PTPRG: variants seen among roughly 807,000 people sequenced by gnomAD.
PTPRG encodes protein tyrosine phosphatase receptor type G.
A neutral mutation model predicts 165.3 loss-of-function variants in PTPRG; 102 were observed. The observed-to-expected ratio is 0.62, with a 90% CI of 0.53 to 0.73. The LOEUF is 0.73. Ranked by LOEUF, PTPRG falls within the 30% of genes least tolerant of loss-of-function variation. The pLI is 0.00. For missense variants in PTPRG, 1,866 were observed against 1,861.4 expected (o/e 1.00, Z -0.05); for synonymous variants, 675 against 669.5 (o/e 1.01, Z -0.13).
At chr3:61,930,703 T>G (rs79551523) in intron 2 of PTPRG, among the ~76,000 whole-genome samples, 2,580 of 152,252 alleles carry the variant, frequency 0.017, 38 homozygotes, top group South Asian at 0.075. Flanking sequence ...AAATTACAAT[T>G]ATAGTTAGAG....
intron 2 of PTPRG, among the ~76,000 whole-genome samples, chr3:61,875,573 A>C (rs2037714807): frequency 6.6e-6 from 1 of 152,088 alleles, no homozygotes; most frequent in South Asian, 2.1e-4. Flanking sequence ...GTAACTGACG[A>C]TTCAGACATC....
intron 1 of PTPRG, among the ~76,000 whole-genome samples, chr3:61,678,223 G>A (rs923560387): frequency 1.3e-5 from 2 of 152,116 alleles, no homozygotes; most frequent in Non-Finnish European, 2.9e-5. Flanking sequence ...AATGACTGTC[G>A]TTCTAAAAGA....
chr3:61,580,462 C>A (rs1700263995), intron 1 of PTPRG, among the ~76,000 whole-genome samples: 1 of 149,452 alleles, frequency 6.7e-6, no homozygotes, highest in Non-Finnish European at 1.5e-5. Flanking sequence ...CTCACTGCAA[C>A]CTCTGCCTCC....
chr3:62,058,562 A>G (rs12490342), intron 4 of PTPRG, among the ~76,000 whole-genome samples: 19,250 of 151,910 alleles, frequency 0.13, 1,341 homozygotes, highest in Admixed American at 0.21. Flanking sequence ...ACAGAAAGTC[A>G]CCTATGGATA....
At chr3:61,951,314 ACTT>A (rs1275290304) in intron 2 of PTPRG, among the ~76,000 whole-genome samples, 1 of 152,170 alleles carries the variant, frequency 6.6e-6, no homozygotes, top group African/African-American at 2.4e-5. Flanking sequence ...GACCTGGCTA[ACTT>A]CTTGAACTGT....
intron 1 of PTPRG, among the ~76,000 whole-genome samples, chr3:61,665,502 A>ACACG (rs1702786959): frequency 6.6e-6 from 1 of 151,708 alleles, no homozygotes; most frequent in Admixed American, 6.6e-5. Flanking sequence ...ACACACACAC[A>ACACG]CAGGCACAAA....
chr3:61,773,399 A>G (rs2034271069), intron 2 of PTPRG, among the ~76,000 whole-genome samples: 2 of 152,236 alleles, frequency 1.3e-5, no homozygotes, highest in Non-Finnish European at 2.9e-5. Flanking sequence ...TGTAATAATA[A>G]TAAAAGATTC....
At chr3:61,985,255 C>G (rs1473020597) in intron 2 of PTPRG, among the ~76,000 whole-genome samples, 1 of 152,208 alleles carries the variant, frequency 6.6e-6, no homozygotes, top group Non-Finnish European at 1.5e-5. Flanking sequence ...TGACTTCACT[C>G]AAGTGTCACC....
At chr3:61,569,963 G>A (rs4688636) in intron 1 of PTPRG, among the ~76,000 whole-genome samples, 128,068 of 152,206 alleles carry the variant, frequency 0.84, 54,191 homozygotes, top group South Asian at 0.94. Context: ...TGTCTCATAA[G>A]TCTTCCAAAT....
chr3:61,722,755 A>C (rs2032105916), intron 1 of PTPRG, among the ~76,000 whole-genome samples: 1 of 152,192 alleles, frequency 6.6e-6, no homozygotes, highest in Non-Finnish European at 1.5e-5. Context: ...ATTTTGGTTA[A>C]ATTTTTAAAC....
intron 8 of PTPRG, among the ~76,000 whole-genome samples, chr3:62,171,331 A>C (rs1254128712): frequency 6.6e-6 from 1 of 152,190 alleles, no homozygotes; most frequent in African/African-American, 2.4e-5. Context: ...GAGACTGCCA[A>C]ATGGCTTCCC....
chr3:61,834,555 C>T (rs2036404553), intron 2 of PTPRG, among the ~76,000 whole-genome samples: 1 of 152,208 alleles, frequency 6.6e-6, no homozygotes. Flanking sequence ...TGGCTCATGC[C>T]TGTAATCCCA....
Position 62,120,493 on chromosome 3 carries a change from G to A in PTPRG, c.616-12109G>A, listed in dbSNP as rs530672451. 2.7e-5 allele frequency among the ~76,000 whole-genome samples: 4 copies of A among 150,868 alleles called. No individual in the cohort carries two copies. The South Asian group carries it at 8.3e-4, about 31-fold the overall frequency. On this transcript the variant is annotated intron_variant, in intron 5 of 29. Transcript: ENST00000474889. ...AGGCCAGGTGCAGTGGCTCACGCCTGTAATCCCAGTGCTTTGGGAGGCCGA... is the reference window on the plus strand; with the variant it reads ...AGGCCAGGTGCAGTGGCTCACGCCTATAATCCCAGTGCTTTGGGAGGCCGA...
intron 1 of PTPRG, among the ~76,000 whole-genome samples, chr3:61,566,982 G>A (rs182303592): frequency 6.6e-6 from 1 of 152,304 alleles, no homozygotes; most frequent in Admixed American, 6.5e-5. Context: ...TACATTTCAT[G>A]TGGTCACATT....
At position 61,743,181 on chromosome 3, in the gene PTPRG, A is replaced by G. The variant is rs373488689; in HGVS notation, c.86-5697A>G. On this transcript the variant is annotated intron_variant, in intron 1 of 29. Transcript: ENST00000474889. ...TATCTTTTTTTGCTTCGGGCTGGAA[A>G]TGAGGTAGGCTCAGTAGAAGTTCTG... 1.9e-4 allele frequency: 148 copies of G among 771,144 alleles called. No individual in the cohort carries two copies. In the African/African-American group the frequency reaches 2.3e-3, roughly 12 times the overall value. The allele number at this position is 771,144 out of a possible 1,614,324, so 47.8% of individuals were successfully genotyped here. A position where few individuals can be genotyped will look rare whatever the true frequency, so the allele number is the denominator to read the frequency against.
chr3:62,028,310 C>T lies in PTPRG; in HGVS notation c.519+24813C>T, dbSNP rs78121531. Among the ~76,000 whole-genome samples the T allele has an allele frequency of 1.6e-3, 240 of 152,244 alleles. 5 individuals are homozygous for T. The East Asian group carries it at 0.03, about 19-fold the overall frequency. ...TATTCTTATGTTTCTGGCAATGATA[C>T]GCTAATTACAGCCTATACATTTTTA... On this transcript the variant is annotated intron_variant, in intron 4 of 29. Transcript: ENST00000474889.
intron 2 of PTPRG, among the ~76,000 whole-genome samples, chr3:61,776,891 A>T (rs1359939180): frequency 6.6e-6 from 1 of 152,054 alleles, no homozygotes. Context: ...TGAATTAATT[A>T]TTGCACGCCT....
chr3:61,945,560 CAAA>C (rs71123242), intron 2 of PTPRG, among the ~76,000 whole-genome samples: 3,488 of 54,950 alleles, frequency 0.063, 18 homozygotes, highest in East Asian at 0.18. Flanking sequence ...ACTCCGTCAC[CAAA>C]AAAAAAAAAA....
At chr3:61,847,143 T>C (rs935457464) in intron 2 of PTPRG, among the ~76,000 whole-genome samples, 3 of 147,892 alleles carry the variant, frequency 2.0e-5, no homozygotes, top group Admixed American at 6.8e-5. Flanking sequence ...GCTACAGATA[T>C]AATGAGTTAA....
Sources: allele counts gnomAD v4.1 joint callset (sites outside exome capture counted in the v4.1 genomes callset), GRCh38; gene constraint gnomAD v4.1.1; transcripts MANE v1.5; gene names NCBI Gene and HGNC (gene_info 2026-07-23, HGNC 2026-07-21).